Variants in MBD5 observed in about 807,000 individuals in gnomAD.
MBD5 encodes methyl-CpG-binding domain protein 5.
A neutral mutation model predicts 117.3 loss-of-function variants in MBD5; 13 were observed. The observed-to-expected ratio is 0.11, with a 90% CI of 0.07 to 0.18. The LOEUF (loss-of-function observed/expected upper bound fraction) is 0.18. MBD5 is among the 10% of genes least tolerant of loss of function. MBD5 has a pLI of 1.00. For synonymous variants in MBD5, 727 were observed against 766.4 expected, an observed-to-expected ratio of 0.95 and a Z score of 0.85; for missense variants, 1,879 against 2,093.8, an observed-to-expected ratio of 0.90 and a Z score of 2.00.
intron 1 of MBD5, among the ~76,000 whole-genome samples, chr2:148,061,562 C>G (rs1695036707): frequency 6.6e-6 from 1 of 151,900 alleles, no homozygotes; most frequent in African/African-American, 2.4e-5. Context: ...ATGTGTACAT[C>G]ATAATTAGCC....
At chr2:148,074,507 G>GTTTTTTTTTTTTTTTTTT (rs11443189) in intron 1 of MBD5, among the ~76,000 whole-genome samples, 1 of 113,772 alleles carries the variant, frequency 8.8e-6, no homozygotes, top group Non-Finnish European at 1.7e-5. Context: ...TTTTTTTTTT[G>GTTTTTTTTTTTTTTTTTT]TTTTTTTTTT....
chr2:148,170,047 A>G (rs1698226980), intron 1 of MBD5, among the ~76,000 whole-genome samples: 2 of 151,852 alleles, frequency 1.3e-5, no homozygotes, highest in Non-Finnish European at 2.9e-5. Context: ...ACAGGCGCCC[A>G]CCAACACACC....
At chr2:148,216,102 T>C (rs1337622979) in intron 2 of MBD5, among the ~76,000 whole-genome samples, 2 of 152,150 alleles carry the variant, frequency 1.3e-5, no homozygotes, top group African/African-American at 4.8e-5. Context: ...TACTGGAGTT[T>C]CTAATGCAAT....
chr2:148,469,803 A>G lies in MBD5; in HGVS notation c.1860A>G (p.Leu620=). ...GSGNTEGHST[L]NTMFPPTANM... ...GCAACACTGAAGGACATAGCACTTTAAACACCATGTTCCCTCCTACTGCCA... is the reference window on the plus strand; with the variant it reads ...GCAACACTGAAGGACATAGCACTTTGAACACCATGTTCCCTCCTACTGCCA... Residue 620 remains leucine, a synonymous_variant, in exon 8 of 14, where the codon TTA becomes TTG. Transcript: ENST00000642680. The G allele has an allele frequency of 6.2e-7, 1 of 1,613,954 alleles. No homozygotes were observed. The highest frequency in any genetic ancestry group is 1.1e-5 in the South Asian group (1 of 91,084).
intron 1 of MBD5, among the ~76,000 whole-genome samples, chr2:148,175,676 T>C (rs1450781852): frequency 6.6e-6 from 1 of 152,224 alleles, no homozygotes; most frequent in Non-Finnish European, 1.5e-5. Context: ...CATAGTTAAT[T>C]GTAGACTGCT....
intron 13 of MBD5, among the ~76,000 whole-genome samples, chr2:148,510,544 A>G (rs1192716842): frequency 1.3e-5 from 2 of 152,252 alleles, no homozygotes; most frequent in Non-Finnish European, 2.9e-5. Context: ...TAGACCTCTC[A>G]TATCCCATTT....
At chr2:148,431,830 C>A (rs377440651) in intron 4 of MBD5, among the ~76,000 whole-genome samples, 1 of 151,798 alleles carries the variant, frequency 6.6e-6, no homozygotes, top group East Asian at 1.9e-4. Context: ...TTTTGAATAG[C>A]GCTGCAGTGG....
At chr2:148,186,044 A>G (rs1023467402) in intron 2 of MBD5, among the ~76,000 whole-genome samples, 2 of 152,240 alleles carry the variant, frequency 1.3e-5, no homozygotes, top group African/African-American at 4.8e-5. Flanking sequence ...GACTGAGAAA[A>G]GGATGACTGG....
chr2:148,367,074 A>G, intron 4 of MBD5, among the ~76,000 whole-genome samples: 1 of 152,230 alleles, frequency 6.6e-6, no homozygotes. Context: ...CTGACTTCAA[A>G]TTATACTACA....
Position 148,021,155 on chromosome 2 carries a change from G to A in MBD5, c.-1454G>A, listed in dbSNP as rs891552633. On this transcript the variant is annotated 5_prime_UTR_variant, in exon 1 of 14. Transcript: ENST00000642680. The stretch of plus-strand genomic sequence containing the variant: ...AGAGAGAGGCAGTGGCAGAGGGGGG[G>A]CACCTTTTATTTCTATTTTTAAAGG... 7 of 157,422 alleles carry A rather than the reference G, an allele frequency of 4.4e-5. No individual in the cohort carries two copies. Among genetic ancestry groups the A allele is most frequent in the South Asian group, 3.2e-4 (2 of 6,268 alleles). 9.8% of individuals were successfully genotyped at this position (157,422 alleles called of 1,614,324 possible).
chr2:148,049,419 C>T (rs1694630565), intron 1 of MBD5, among the ~76,000 whole-genome samples: 1 of 152,110 alleles, frequency 6.6e-6, no homozygotes. Context: ...CTAGTTAGGA[C>T]TATGGCAATA....
chr2:148,413,687 C>A (rs748885707), intron 4 of MBD5, among the ~76,000 whole-genome samples: 1 of 151,476 alleles, frequency 6.6e-6, no homozygotes, highest in African/African-American at 2.4e-5. Context: ...GTTTCTTCCT[C>A]ATTCAATGTT....
intron 2 of MBD5, among the ~76,000 whole-genome samples, chr2:148,211,616 T>A (rs184513316): frequency 0.012 from 1,717 of 148,792 alleles, 31 homozygotes; most frequent in African/African-American, 0.04. Context: ...TCTTTTACAA[T>A]TTTTTTTTCC....
At chr2:148,123,157 A>G (rs368708163) in intron 1 of MBD5, among the ~76,000 whole-genome samples, 1 of 152,252 alleles carries the variant, frequency 6.6e-6, no homozygotes. Context: ...ATGAGTACTT[A>G]TTAAATATTT....
intron 3 of MBD5, among the ~76,000 whole-genome samples, chr2:148,276,874 G>T (rs1701126301): frequency 6.6e-6 from 1 of 152,056 alleles, no homozygotes; most frequent in African/African-American, 2.4e-5. Flanking sequence ...AGTTCTGCAT[G>T]TTTCCAGTAT....
At chr2:148,043,439 C>T (rs1399783610) in intron 1 of MBD5, among the ~76,000 whole-genome samples, 1 of 113,892 alleles carries the variant, frequency 8.8e-6, no homozygotes, top group South Asian at 2.8e-4. Context: ...GGCGACAGAG[C>T]GAGACTCCTT....
intron 3 of MBD5, among the ~76,000 whole-genome samples, chr2:148,317,784 T>C (rs1308996822): frequency 1.3e-5 from 2 of 152,218 alleles, no homozygotes; most frequent in African/African-American, 4.8e-5. Context: ...GCAAAAGACA[T>C]GATTTCATTC....
intron 1 of MBD5, among the ~76,000 whole-genome samples, chr2:148,039,674 G>A (rs1694300613): frequency 7.5e-6 from 1 of 133,862 alleles, no homozygotes; most frequent in East Asian, 2.7e-4. Flanking sequence ...GGTTACTACT[G>A]TGTATTCTTT....
At chr2:148,466,582 C>G (rs1236682180) in intron 7 of MBD5, among the ~76,000 whole-genome samples, 1 of 152,132 alleles carries the variant, frequency 6.6e-6, no homozygotes, top group Non-Finnish European at 1.5e-5. Context: ...CGTTAATGTT[C>G]TCACTATTTG....
Sources: gnomAD v4.1 joint callset for allele counts (sites outside exome capture counted in the v4.1 genomes callset) on GRCh38, gnomAD v4.1.1 for gene constraint, MANE v1.5 for transcripts, NCBI Gene and HGNC (gene_info 2026-07-23, HGNC 2026-07-21) for gene names.